Variants in GRID1 observed in about 807,000 individuals in gnomAD.
The protein encoded by GRID1 is glutamate ionotropic receptor delta type subunit 1, also known as glutamate receptor ionotropic, delta-1.
A neutral mutation model predicts 98.0 loss-of-function variants in GRID1; 28 were observed. The ratio of observed to expected loss-of-function variants is 0.29; its 90% CI spans 0.21 to 0.39. The LOEUF (loss-of-function observed/expected upper bound fraction) is 0.39, where lower values mean the gene tolerates loss of function less well. Ranked by LOEUF, GRID1 falls within the 10% of genes least tolerant of loss-of-function variation. The probability of loss-of-function intolerance (pLI) is 1.00; values close to 1 mark genes in which losing one functional copy is unlikely to be tolerated. For synonymous variants in GRID1, 553 were observed against 538.5 expected (o/e 1.03, Z -0.37); for missense variants, 1,111 against 1,340.5 (o/e 0.83, Z 2.67).
chr10:86,324,571 A>T (rs1344980952), intron 2 of GRID1, among the ~76,000 whole-genome samples: 2 of 150,466 alleles, frequency 1.3e-5, no homozygotes, highest in African/African-American at 2.4e-5. Flanking sequence ...CCCAAAGGAC[A>T]CAGGGCCGCT....
chr10:86,244,760 G>A (rs1846694613), intron 2 of GRID1, among the ~76,000 whole-genome samples: 2 of 152,236 alleles, frequency 1.3e-5, no homozygotes, highest in African/African-American at 4.8e-5. Context: ...TTCCTTTCAA[G>A]ACACCATTTC....
rs1220451978 is a variant in GRID1, at chr10:86,366,590, G to A, written c.-198C>T. On this transcript the variant is annotated 5_prime_UTR_variant, in exon 1 of 16. Transcript: ENST00000327946. The surrounding 1 kb of genome is among the most constrained non-coding windows in gnomAD (Gnocchi z 4.1). ...GCCCAGCCCAGCCCAGCGCGGTCGG[G>A]CTCCCGCTCCGGCTCCGGTGGCGGC... 3.5e-5 allele frequency: 7 copies of A among 202,270 alleles called. No homozygotes were observed. Among genetic ancestry groups the A allele is most frequent in the Non-Finnish European group, 5.9e-5 (6 of 102,538 alleles). 12.5% of individuals were successfully genotyped at this position (202,270 alleles called of 1,614,324 possible).
intron 12 of GRID1, among the ~76,000 whole-genome samples, chr10:85,698,722 G>A (rs1841420262): frequency 6.6e-6 from 1 of 152,218 alleles, no homozygotes; most frequent in Admixed American, 6.5e-5. Flanking sequence ...TGTATGCTGT[G>A]TTTTGTAAGA....
rs929476172 is a variant in GRID1 at position 86,281,987 on chromosome 10, T to C, written c.236-75339A>G. Among the ~76,000 whole-genome samples, 6 of 152,176 alleles carry C rather than the reference T, an allele frequency of 3.9e-5. No homozygotes were observed. The East Asian group carries it at 9.6e-4, about 24-fold the overall frequency. On this transcript the variant is annotated intron_variant, in intron 2 of 15. Coordinates refer to ENST00000327946, the MANE Select transcript of GRID1 (RefSeq NM_017551.3). The stretch of plus-strand genomic sequence containing the variant: ...CCATACTCCTCAGTGGAAAGCACAA[T>C]AGCCCAGTGGTTAGGTTCAGACAGA...
At chr10:85,713,809 T>A (rs1841608067) in intron 12 of GRID1, among the ~76,000 whole-genome samples, 3 of 151,890 alleles carry the variant, frequency 2.0e-5, no homozygotes, top group African/African-American at 7.2e-5. Flanking sequence ...ACATCTTTCA[T>A]GATAAAAATT....
rs190636676 is a variant in GRID1 at position 85,719,038 on chromosome 10, C to A, written c.1997+3965G>T. 8.3e-4 allele frequency among the ~76,000 whole-genome samples: 126 copies of A among 152,342 alleles called. 1 individual carries two copies. In the Middle Eastern group the frequency reaches 0.027, roughly 33 times the overall value. On this transcript the variant is annotated intron_variant, in intron 12 of 15. Coordinates refer to ENST00000327946, the MANE Select transcript of GRID1 (RefSeq NM_017551.3). Reference sequence around the variant, plus strand: ...CTCCACCAGATGCCCTAAATCATCTCTCTCAAGTTCAAAGTTTCACAAATC... The same window carrying A: ...CTCCACCAGATGCCCTAAATCATCTATCTCAAGTTCAAAGTTTCACAAATC...
chr10:85,940,002 G>C (rs1841977185), intron 4 of GRID1, among the ~76,000 whole-genome samples: 1 of 151,094 alleles, frequency 6.6e-6, no homozygotes, highest in Non-Finnish European at 1.5e-5. Context: ...GGGAGGCGGA[G>C]GTTGCAGTGA....
intron 8 of GRID1, among the ~76,000 whole-genome samples, chr10:85,812,806 T>C (rs910120228): frequency 6.6e-6 from 1 of 151,906 alleles, no homozygotes; most frequent in African/African-American, 2.4e-5. Flanking sequence ...TATATATACA[T>C]ATATATGTGT....
intron 4 of GRID1, among the ~76,000 whole-genome samples, chr10:86,118,342 G>A (rs1229338420): frequency 6.6e-6 from 1 of 152,024 alleles, no homozygotes. Flanking sequence ...GGAAAGGGTG[G>A]GGGCTGGCAA....
chr10:85,943,947 C>T (rs1422883231), intron 4 of GRID1, among the ~76,000 whole-genome samples: 2 of 152,220 alleles, frequency 1.3e-5, no homozygotes, highest in Admixed American at 1.3e-4. Context: ...TGAGCAGAGA[C>T]TTTAAAAGTT....
intron 2 of GRID1, among the ~76,000 whole-genome samples, chr10:86,274,753 A>G (rs1218280310): frequency 1.3e-5 from 2 of 151,462 alleles, no homozygotes; most frequent in Non-Finnish European, 2.9e-5. Context: ...ATTTTTGTAC[A>G]TTGATTTTGT....
In GRID1 at chr10:85,701,903, A is replaced by G. The variant is rs933616486; in HGVS notation, c.1997+21100T>C. ...GAGACAGGTACACCAAAATCTCACT[A>G]ATCACCACTAAAGAACTTACTTATG... On this transcript the variant is annotated intron_variant, in intron 12 of 15. Coordinates refer to ENST00000327946, the MANE Select transcript of GRID1 (RefSeq NM_017551.3). 3.2e-4 allele frequency among the ~76,000 whole-genome samples: 48 copies of G among 152,214 alleles called. No homozygotes were observed. In the South Asian group the frequency reaches 9.1e-3, roughly 29 times the overall value.
intron 3 of GRID1, among the ~76,000 whole-genome samples, chr10:86,189,443 C>G (rs542012589): frequency 6.6e-6 from 1 of 152,024 alleles, no homozygotes; most frequent in African/African-American, 2.4e-5. Flanking sequence ...CTGACACAGC[C>G]TCCTCATTAC....
intron 6 of GRID1, 138 bp downstream of exon 6, chr10:85,868,872 G>A (rs555653382): frequency 1.4e-4 from 94 of 692,712 alleles, no homozygotes; most frequent in Non-Finnish European, 1.9e-4. Flanking sequence ...CCAGTCAACC[G>A]GTTTCAATTT....
intron 2 of GRID1, among the ~76,000 whole-genome samples, chr10:86,267,489 G>T (rs2607861): frequency 0.039 from 5,998 of 152,308 alleles, 232 homozygotes; most frequent in Admixed American, 0.11. Context: ...AGGAGCTTTT[G>T]TTCAGGAAGA....
rs369213542 is a variant in GRID1 at position 86,080,846 on chromosome 10, G to C, written c.726+57973C>G. 1.1e-4 allele frequency among the ~76,000 whole-genome samples: 17 copies of C among 152,090 alleles called. 1 individual carries two copies. In the South Asian group the frequency reaches 3.3e-3, roughly 30 times the overall value. Reference sequence around the variant, plus strand: ...TTGGACCGCCAGATTTTACCACCAAGGGACAGGGGACAGGGTATCTACACA... The same window carrying C: ...TTGGACCGCCAGATTTTACCACCAACGGACAGGGGACAGGGTATCTACACA... On this transcript the variant is annotated intron_variant, in intron 4 of 15. Coordinates refer to ENST00000327946, the MANE Select transcript of GRID1 (RefSeq NM_017551.3).
intron 4 of GRID1, among the ~76,000 whole-genome samples, chr10:86,062,106 A>G (rs1168936824): frequency 3.9e-5 from 6 of 152,162 alleles, no homozygotes; most frequent in Admixed American, 2.0e-4. Flanking sequence ...CAACTGTGCA[A>G]TGGGGATAGC....
chr10:85,660,877 C>T (rs949707388), intron 12 of GRID1, among the ~76,000 whole-genome samples: 4 of 152,044 alleles, frequency 2.6e-5, no homozygotes, highest in South Asian at 4.2e-4. Context: ...TATCACTCTA[C>T]GTCTTGCTAG....
At chr10:86,095,708 A>T (rs188350815) in intron 4 of GRID1, among the ~76,000 whole-genome samples, 123 of 148,740 alleles carry the variant, frequency 8.3e-4, no homozygotes, top group Middle Eastern at 6.9e-3. Flanking sequence ...AAATTTTTTT[A>T]AAAGTAGATG....
Sources: allele counts gnomAD v4.1 joint callset (sites outside exome capture counted in the v4.1 genomes callset), GRCh38; gene constraint gnomAD v4.1.1; non-coding constraint Gnocchi (gnomAD v3.1); transcripts MANE v1.5; gene names NCBI Gene and HGNC (gene_info 2026-07-23, HGNC 2026-07-21).